OR56A3: variants seen among roughly 807,000 people sequenced by gnomAD.
OR56A3 encodes olfactory receptor 56A3.
Under a neutral mutation model 17.5 loss-of-function variants are expected in OR56A3, and 23 were observed. The observed-to-expected ratio is 1.32, with a 90% CI of 0.95 to 1.87. The LOEUF is 1.87. Among genes scored for constraint, OR56A3 ranks in the 40% most tolerant of loss-of-function variants. OR56A3 has a pLI of 0.00. For missense variants in OR56A3, 366 were observed against 380.1 expected (o/e 0.96, Z 0.31); for synonymous variants, 175 against 150.6 (o/e 1.16, Z -1.19).
At chr11:5,994,453 A>C in the OR56A3 span, 1 of 739,502 alleles carries the variant, frequency 1.4e-6, no homozygotes, top group Non-Finnish European at 2.5e-6. Flanking sequence ...ATTTGGGGGC[A>C]TCTGTCTCCA....
the OR56A3 span, among the ~76,000 whole-genome samples, chr11:5,977,104 C>T: frequency 1.3e-5 from 2 of 152,110 alleles, no homozygotes; most frequent in Non-Finnish European, 2.9e-5. Flanking sequence ...TTTCTTTATC[C>T]AACCCACTGT....
At chr11:5,982,607 G>A in the OR56A3 span, among the ~76,000 whole-genome samples, 1 of 152,134 alleles carries the variant, frequency 6.6e-6, no homozygotes, top group Non-Finnish European at 1.5e-5. Context: ...TTCTCTACAG[G>A]GCCAACAGTC....
the OR56A3 span, among the ~76,000 whole-genome samples, chr11:6,012,985 T>A: frequency 1.3e-5 from 2 of 152,196 alleles, no homozygotes; most frequent in Non-Finnish European, 2.9e-5. Flanking sequence ...CAGGCACCTC[T>A]GAGCCTGCAA....
chr11:5,963,320 A>G, the OR56A3 span, among the ~76,000 whole-genome samples: 1 of 152,106 alleles, frequency 6.6e-6, no homozygotes, highest in Admixed American at 6.5e-5. Flanking sequence ...GTTTATTGCT[A>G]TAGCCTTCCT....
chr11:5,956,170 G>T (rs1248302483), downstream of OR56A3, among the ~76,000 whole-genome samples: 1 of 152,138 alleles, frequency 6.6e-6, no homozygotes, highest in African/African-American at 2.4e-5. Context: ...ACAATTGTTG[G>T]CCAAAGATGT....
At chr11:6,007,380 A>AG in the OR56A3 span, among the ~76,000 whole-genome samples, 1 of 152,184 alleles carries the variant, frequency 6.6e-6, no homozygotes, top group Non-Finnish European at 1.5e-5. Flanking sequence ...CTAGAGATCT[A>AG]ATGTGAAGTG....
chr11:5,983,580 C>G, the OR56A3 span, among the ~76,000 whole-genome samples: 1 of 152,166 alleles, frequency 6.6e-6, no homozygotes, highest in South Asian at 2.1e-4. Flanking sequence ...CTCCCTCATA[C>G]TGCCTATTAG....
At chr11:5,971,420 C>A in the OR56A3 span, among the ~76,000 whole-genome samples, 7 of 152,128 alleles carry the variant, frequency 4.6e-5, no homozygotes, top group Admixed American at 6.5e-5. Flanking sequence ...ATGTGTAGTC[C>A]CCATCTACGA....
chr11:5,963,072 G>C, the OR56A3 span, among the ~76,000 whole-genome samples: 1 of 151,828 alleles, frequency 6.6e-6, no homozygotes, highest in Non-Finnish European at 1.5e-5. Flanking sequence ...TCTTATTTAA[G>C]TCTTTTCTCT....
chr11:5,984,537 A>G, the OR56A3 span, among the ~76,000 whole-genome samples: 1 of 152,176 alleles, frequency 6.6e-6, no homozygotes, highest in Non-Finnish European at 1.5e-5. Context: ...GGGTTAAGAG[A>G]GTTTGTTACA....
At chr11:5,986,155 C>T in the OR56A3 span, 12 of 1,613,850 alleles carry the variant, frequency 7.4e-6, no homozygotes, top group Admixed American at 1.3e-4. Flanking sequence ...ATGAGAGCCA[C>T]ATGTGCTAAA....
the OR56A3 span, chr11:6,019,843 G>A: frequency 1.1e-4 from 17 of 152,056 alleles, no homozygotes; most frequent in Admixed American, 8.5e-4. Flanking sequence ...TATTCAATTC[G>A]TCAGTCACTC....
intron 2 of OR56A3, among the ~76,000 whole-genome samples, chr11:5,945,823 G>A (rs1034541569): frequency 6.6e-6 from 1 of 152,120 alleles, no homozygotes; most frequent in Non-Finnish European, 1.5e-5. Flanking sequence ...CCAGCAAGTA[G>A]AAAGAATTAC....
downstream of OR56A3, among the ~76,000 whole-genome samples, chr11:5,952,949 C>T (rs1847915861): frequency 6.6e-6 from 1 of 152,130 alleles, no homozygotes; most frequent in Admixed American, 6.5e-5. Context: ...ATAATGGTCT[C>T]CAGTTGCATC....
the OR56A3 span, chr11:6,002,397 T>C: frequency 1.2e-6 from 2 of 1,614,104 alleles, no homozygotes; most frequent in Non-Finnish European, 1.7e-6. Flanking sequence ...CTGGTAGAGC[T>C]GATTGAAAGT....
At chr11:5,991,974 C>T in the OR56A3 span, among the ~76,000 whole-genome samples, 1 of 152,178 alleles carries the variant, frequency 6.6e-6, no homozygotes, top group South Asian at 2.1e-4. Context: ...ACAGAGAGGC[C>T]AAGCAGGGAG....
the OR56A3 span, chr11:5,986,063 C>CATG: frequency 6.2e-7 from 1 of 1,613,938 alleles, no homozygotes; most frequent in South Asian, 1.1e-5. Context: ...AGAACATGGA[C>CATG]ATGATGGGGT....
At chr11:6,009,201 T>C in the OR56A3 span, among the ~76,000 whole-genome samples, 1 of 152,198 alleles carries the variant, frequency 6.6e-6, no homozygotes, top group South Asian at 2.1e-4. Context: ...CAAGATCCCA[T>C]CAGACTCTGC....
chr11:5,947,516 C>T lies in OR56A3; in HGVS notation c.170C>T (p.Ala57Val). The T allele has an allele frequency of 6.2e-7, 1 of 1,614,006 alleles. No homozygotes were observed. Among genetic ancestry groups the T allele is most frequent in the East Asian group, 2.2e-5 (1 of 44,856 alleles). The change falls in exon 3 of 3, where the codon GCC (alanine) becomes GTC (valine). Residue 57 changes from alanine to valine, a missense_variant. Physicochemically the swap from Ala to Val is moderately conservative, Grantham distance 64 (BLOSUM62 0). Transcript: ENST00000641160. ...TTLLMTIWLE[A>V]SLHQPLYYLL... ...CTCCTGATGACCATCTGGCTGGAGG[C>T]CTCTCTGCACCAGCCCCTGTACTAC...
Sources: gnomAD v4.1 joint callset for allele counts (sites outside exome capture counted in the v4.1 genomes callset) on GRCh38, gnomAD v4.1.1 for gene constraint, MANE v1.5 for transcripts, NCBI Gene and HGNC (gene_info 2026-07-23, HGNC 2026-07-21) for gene names.